CPEB1: variants seen among roughly 807,000 people sequenced by gnomAD.
CPEB1 encodes cytoplasmic polyadenylation element-binding protein 1.
CPEB1 carries 7 observed loss-of-function variants against 65.8 expected under a neutral mutation model. That is an observed-to-expected ratio of 0.11 (90% CI 0.06 to 0.20). CPEB1 has a LOEUF of 0.20. Among genes scored for constraint, CPEB1 ranks in the 10% least tolerant of loss-of-function variants. The pLI is 1.00. For synonymous variants in CPEB1, 262 were observed against 260.0 expected, an observed-to-expected ratio of 1.01 and a Z score of -0.08; for missense variants, 551 against 712.2, an observed-to-expected ratio of 0.77 and a Z score of 2.58.
At chr15:82,547,289 C>CTT (rs71156035) in intron 10 of CPEB1, 52 bp from the exon 11 acceptor site, 14,598 of 386,030 alleles carry the variant, frequency 0.038, 269 homozygotes, top group African/African-American at 0.11. Flanking sequence ...CCAAATGCTA[C>CTT]TTTTTTTTTT....
chr15:82,577,761 G>A (rs540470585), intron 3 of CPEB1, among the ~76,000 whole-genome samples: 5 of 152,174 alleles, frequency 3.3e-5, no homozygotes, highest in African/African-American at 1.2e-4. Context: ...GAGCTCAAGT[G>A]ATCTGCCTGC....
intron 3 of CPEB1, among the ~76,000 whole-genome samples, chr15:82,579,289 C>T (rs10468216): frequency 0.08 from 12,179 of 152,098 alleles, 727 homozygotes; most frequent in African/African-American, 0.16. Context: ...AGGGAGACCC[C>T]GTTTCTACAA....
At chr15:82,548,370 T>A (rs960587957) in intron 10 of CPEB1, among the ~76,000 whole-genome samples, 4 of 152,132 alleles carry the variant, frequency 2.6e-5, no homozygotes, top group Non-Finnish European at 4.4e-5. Flanking sequence ...ATGTTAATAA[T>A]ATTATTTCCA....
At chr15:82,550,148 G>A (rs1375716368) in intron 9 of CPEB1, among the ~76,000 whole-genome samples, 1 of 152,172 alleles carries the variant, frequency 6.6e-6, no homozygotes, top group Non-Finnish European at 1.5e-5. Flanking sequence ...AGCCTTCAGA[G>A]GGTTTGTGCC....
intron 1 of CPEB1, among the ~76,000 whole-genome samples, chr15:82,639,129 G>C (rs147827431): frequency 1.2e-3 from 181 of 152,308 alleles, no homozygotes; most frequent in African/African-American, 4.4e-3. Flanking sequence ...ACAGAGTAAA[G>C]GCCAAGTTCC....
At position 82,555,540 on chromosome 15, in the gene CPEB1, A is replaced by G. The variant is rs184182976; in HGVS notation, c.940+330T>C. ...ATCCCTTCCAGAGTTTCTCTTGAGG[A>G]CATCCACCCGTGGAAAAAGTAAAAG... On this transcript the variant is annotated intron_variant, in intron 6 of 12. Coordinates refer to ENST00000684509, the MANE Select transcript of CPEB1 (RefSeq NM_001365242.1). 2.4e-3 allele frequency among the ~76,000 whole-genome samples: 363 copies of G among 152,328 alleles called. 2 individuals are homozygous for G. The highest frequency in any genetic ancestry group is 0.014 in the Middle Eastern group (4 of 294).
chr15:82,632,144 G>A (rs2151339376), intron 1 of CPEB1, among the ~76,000 whole-genome samples: 1 of 151,802 alleles, frequency 6.6e-6, no homozygotes, highest in Non-Finnish European at 1.5e-5. Context: ...ACCACGCCCG[G>A]CTCATTTTTT....
intron 10 of CPEB1, among the ~76,000 whole-genome samples, chr15:82,547,465 T>A (rs944760500): frequency 2.7e-5 from 4 of 150,666 alleles, no homozygotes; most frequent in African/African-American, 9.8e-5. Context: ...CCCAGCTAAT[T>A]TTTTGTATTT....
intron 1 of CPEB1, chr15:82,629,562 A>C: frequency 2.0e-6 from 2 of 985,410 alleles, no homozygotes; most frequent in Non-Finnish European, 1.2e-6. Flanking sequence ...AAATGTAGGT[A>C]CCATTCTTCA....
At chr15:82,573,231 G>A (rs970946870) in intron 3 of CPEB1, 2 of 1,391,886 alleles carry the variant, frequency 1.4e-6, no homozygotes, top group African/African-American at 1.5e-5. Context: ...CCTTCCTTTG[G>A]AGATTTTTTT....
intron 3 of CPEB1, among the ~76,000 whole-genome samples, chr15:82,597,239 T>C (rs923337052): frequency 6.6e-6 from 1 of 152,096 alleles, no homozygotes; most frequent in African/African-American, 2.4e-5. Flanking sequence ...AGTGGGAGGA[T>C]CAATTGGGCC....
At chr15:82,568,394 G>A (rs1454119572) in intron 4 of CPEB1, among the ~76,000 whole-genome samples, 1 of 152,038 alleles carries the variant, frequency 6.6e-6, no homozygotes, top group Non-Finnish European at 1.5e-5. Context: ...GTAGCACTGG[G>A]GTATGAGAAA....
At chr15:82,550,089 G>A (rs146259901) in intron 9 of CPEB1, among the ~76,000 whole-genome samples, 1 of 152,322 alleles carries the variant, frequency 6.6e-6, no homozygotes, top group East Asian at 1.9e-4. Context: ...AAGGACAGAG[G>A]GGTGGGAGTG....
At chr15:82,579,573 T>C (rs1016892176) in intron 3 of CPEB1, among the ~76,000 whole-genome samples, 2 of 152,216 alleles carry the variant, frequency 1.3e-5, no homozygotes, top group East Asian at 1.9e-4. Context: ...TTTCAGTTTA[T>C]GTACTTTTGT....
chr15:82,592,208 G>A (rs1330001126), intron 3 of CPEB1, among the ~76,000 whole-genome samples: 1 of 152,060 alleles, frequency 6.6e-6, no homozygotes, highest in Admixed American at 6.5e-5. Flanking sequence ...GGTATACCCT[G>A]GAGACACTGC....
chr15:82,578,068 A>G (rs1350512598), intron 3 of CPEB1, among the ~76,000 whole-genome samples: 1 of 152,140 alleles, frequency 6.6e-6, no homozygotes, highest in East Asian at 1.9e-4. Context: ...TGAACCCAGG[A>G]GGCGGAGTTT....
At chr15:82,558,851 A>G (rs1348557766) in intron 4 of CPEB1, among the ~76,000 whole-genome samples, 1 of 152,178 alleles carries the variant, frequency 6.6e-6, no homozygotes, top group Non-Finnish European at 1.5e-5. Context: ...GCCTTGGGGA[A>G]CCTAAGCAAA....
At chr15:82,583,670 C>T (rs2041501961) in intron 3 of CPEB1, among the ~76,000 whole-genome samples, 1 of 115,870 alleles carries the variant, frequency 8.6e-6, no homozygotes, top group Non-Finnish European at 1.7e-5. Flanking sequence ...ACTTCAGGTA[C>T]TTCTTATAAG....
At chr15:82,603,418 C>T (rs561043634) in intron 3 of CPEB1, among the ~76,000 whole-genome samples, 4 of 150,854 alleles carry the variant, frequency 2.7e-5, no homozygotes, top group Admixed American at 6.6e-5. Flanking sequence ...AGGCATTAGG[C>T]AACAGTTTAG....
Sources: allele counts gnomAD v4.1 joint callset (sites outside exome capture counted in the v4.1 genomes callset), GRCh38; gene constraint gnomAD v4.1.1; transcripts MANE v1.5; gene names NCBI Gene and HGNC (gene_info 2026-07-23, HGNC 2026-07-21).